The following RP2 variants were observed in gnomAD, a reference collection of about 807,000 sequenced individuals.
RP2 encodes protein XRP2.
A neutral mutation model predicts 20.3 loss-of-function variants in RP2; 3 were observed. The observed-to-expected ratio is 0.15, with a 90% confidence interval of 0.07 to 0.38. RP2 has a LOEUF of 0.38. Among genes scored for constraint, RP2 ranks in the 10% least tolerant of loss-of-function variants. RP2 has a pLI of 1.00. For synonymous variants in RP2, 75 were observed against 94.8 expected (o/e 0.79, Z 1.22); for missense variants, 233 against 268.5 (o/e 0.87, Z 0.92).
Position 46,837,075 on chromosome X carries a change from G to A in RP2, c.-26G>A. 8.6e-7 allele frequency: 1 copy of A among 1,161,477 alleles called. No individual in the cohort carries two copies. The highest frequency in any genetic ancestry group is 1.2e-6 in the Non-Finnish European group (1 of 866,965). On this transcript the variant is annotated 5_prime_UTR_variant, in exon 1 of 5. Coordinates refer to ENST00000218340, the MANE Select transcript of RP2 (RefSeq NM_006915.3). ...AGGAAGTGCCTGAGCTAGTGAGCTGGCCAACGAGCTCCGCGGGCTGGGACC... is the reference window on the plus strand; with the variant it reads ...AGGAAGTGCCTGAGCTAGTGAGCTGACCAACGAGCTCCGCGGGCTGGGACC...
intron 1 of RP2, among the ~76,000 whole-genome samples, chrX:46,846,433 TA>T (rs782247530): frequency 8.2e-5 from 9 of 109,273 alleles, no homozygotes; most frequent in Non-Finnish European, 1.3e-4. Context: ...ACAAAATGGA[TA>T]AACATAGCCA....
At chrX:46,864,347 C>CT (rs782091799) in intron 3 of RP2, among the ~76,000 whole-genome samples, 5,199 of 95,187 alleles carry the variant, frequency 0.055, 309 homozygotes, top group African/African-American at 0.16. Flanking sequence ...TCCTTCCTTT[C>CT]TTTTTTTTTT....
chrX:46,857,907 AT>A (rs1556319496), intron 2 of RP2, among the ~76,000 whole-genome samples: 1 of 112,349 alleles, frequency 8.9e-6, no homozygotes, highest in African/African-American at 3.2e-5. Context: ...TTTTACAGTC[AT>A]CTGGCAGTGA....
At chrX:46,868,457 C>T (rs1344422775) in intron 3 of RP2, among the ~76,000 whole-genome samples, 1 of 110,748 alleles carries the variant, frequency 9.0e-6, no homozygotes, top group Admixed American at 9.7e-5. Flanking sequence ...AGATGCCTTC[C>T]ATCACTATTC....
chrX:46,862,347 C>G (rs1166686332), intron 3 of RP2, among the ~76,000 whole-genome samples: 1 of 104,768 alleles, frequency 9.5e-6, no homozygotes, highest in Non-Finnish European at 1.9e-5. Context: ...CCAGCCTGGG[C>G]AAAAGAGCAA....
intron 3 of RP2, among the ~76,000 whole-genome samples, chrX:46,860,506 T>C (rs919187332): frequency 8.9e-6 from 1 of 112,219 alleles, no homozygotes. Context: ...AAATAAGAAA[T>C]ATAAAGTGGT....
At chrX:46,842,214 C>A (rs782731635) in intron 1 of RP2, among the ~76,000 whole-genome samples, 1 of 112,220 alleles carries the variant, frequency 8.9e-6, no homozygotes, top group African/African-American at 3.2e-5. Flanking sequence ...AGTGCCTAGC[C>A]GTCTAACTGT....
intron 2 of RP2, among the ~76,000 whole-genome samples, chrX:46,855,160 G>A (rs781842653): frequency 9.0e-6 from 1 of 110,924 alleles, no homozygotes; most frequent in East Asian, 2.8e-4. Flanking sequence ...TGCCATAGAA[G>A]GGAGCTTGAT....
chrX:46,879,435 T>C (rs1159054331), intron 4 of RP2, among the ~76,000 whole-genome samples: 1 of 110,736 alleles, frequency 9.0e-6, no homozygotes, highest in Non-Finnish European at 1.9e-5. Flanking sequence ...AAAATACAAC[T>C]CAAGTATTAT....
intron 3 of RP2, among the ~76,000 whole-genome samples, chrX:46,877,110 G>A (rs1423809969): frequency 2.7e-5 from 3 of 111,901 alleles, no homozygotes; most frequent in Non-Finnish European, 5.6e-5. Context: ...AAGCAAGGCT[G>A]GCTGCCTGGC....
At chrX:46,839,624 T>G (rs1411524453) in intron 1 of RP2, among the ~76,000 whole-genome samples, 1 of 111,689 alleles carries the variant, frequency 9.0e-6, no homozygotes, top group Non-Finnish European at 1.9e-5. Flanking sequence ...TTTGGGCTAG[T>G]GTGCAAATGT....
intron 1 of RP2, among the ~76,000 whole-genome samples, chrX:46,851,697 C>G (rs187072809): frequency 9.2e-6 from 1 of 109,225 alleles, no homozygotes; most frequent in Admixed American, 9.7e-5. Flanking sequence ...TTTGGGAGGC[C>G]GAGGCAGGTG....
intron 3 of RP2, among the ~76,000 whole-genome samples, chrX:46,869,355 G>C (rs906799753): frequency 9.5e-6 from 1 of 104,747 alleles, no homozygotes; most frequent in African/African-American, 3.5e-5. Context: ...GCTGGACTGC[G>C]ATGGCGCGAT....
intron 3 of RP2, 89 bp from the exon 4 acceptor site, chrX:46,877,416 C>A: frequency 1.5e-6 from 1 of 659,106 alleles, no homozygotes; most frequent in Non-Finnish European, 2.5e-6. Flanking sequence ...AAAGAAGATG[C>A]TGGAGATTCT....
chrX:46,850,388 A>G (rs1451000277), intron 1 of RP2, among the ~76,000 whole-genome samples: 8 of 112,152 alleles, frequency 7.1e-5, no homozygotes, highest in Non-Finnish European at 1.5e-4. Context: ...TCTCCGATCA[A>G]TCCATGTTGC....
At chrX:46,837,312 G>A in intron 1 of RP2, 110 bp downstream of exon 1, 1 of 814,725 alleles carries the variant, frequency 1.2e-6, no homozygotes, top group East Asian at 3.5e-5. Flanking sequence ...GCACTCTCTT[G>A]AACGCGGATA....
rs58549261 is a variant in RP2 at position 46,871,021 on chromosome X, C to CTT, written c.884-6459_884-6458dup. Among the ~76,000 whole-genome samples the CTT allele has an allele frequency of 3.2e-3, 244 of 77,354 alleles. 30 individuals are homozygous for CTT. Among genetic ancestry groups the CTT allele is most frequent in the African/African-American group, 0.012 (209 of 17,028 alleles). 67.2% of individuals were successfully genotyped at this position (77,354 alleles called of 115,157 possible). A position where few individuals can be genotyped will look rare whatever the true frequency, so the allele number is the denominator to read the frequency against. ...TATTGGAGCACAGCCACGCTCATTC[C>CTT]TTTTTTTTTTTTTTTTTTTTTTTTT... On this transcript the variant is annotated intron_variant, in intron 3 of 4. Transcript: ENST00000218340.
chrX:46,846,693 C>T (rs1414138435), intron 1 of RP2, among the ~76,000 whole-genome samples: 1 of 111,827 alleles, frequency 8.9e-6, no homozygotes, highest in Non-Finnish European at 1.9e-5. Context: ...TACAGTTGCT[C>T]TGCATCCTCA....
In RP2 at chrX:46,853,627, A is replaced by C. The variant is rs782205038; in HGVS notation, c.254A>C (p.Asp85Ala). The C allele has an allele frequency of 8.3e-7, 1 of 1,211,538 alleles. No homozygotes were observed. The highest frequency in any genetic ancestry group is 1.1e-6 in the Non-Finnish European group (1 of 895,428). The change falls in exon 2 of 5, where the codon GAC (aspartate) becomes GCC (alanine). Residue 85 changes from aspartate to alanine, a missense_variant. Around this residue, in one of 3 missense-constraint regions of RP2, gnomAD observed 77 missense variants for 71.8 expected, o/e 1.07. Transcript: ENST00000218340. Reference protein sequence around the residue: ...FDHSATVTIDDCTNCIIFLGP... With the variant: ...FDHSATVTIDACTNCIIFLGP... ...CACTCTGCTACAGTTACCATTGATG[A>C]CTGTACTAACTGCATAATTTTTCTG...
Sources: gnomAD v4.1 joint callset for allele counts (sites outside exome capture counted in the v4.1 genomes callset) on GRCh38, gnomAD v4.1.1 for gene constraint, gnomAD v4.1.1 regional missense constraint, MANE v1.5 for transcripts, NCBI Gene and HGNC (gene_info 2026-07-23, HGNC 2026-07-21) for gene names.